LRP1B: variants seen among roughly 807,000 people sequenced by gnomAD.
The protein encoded by LRP1B is low-density lipoprotein receptor-related protein 1B.
A neutral mutation model predicts 556.6 loss-of-function variants in LRP1B; 217 were observed. The observed-to-expected ratio is 0.39, with a 90% CI of 0.35 to 0.44. The LOEUF (loss-of-function observed/expected upper bound fraction) is 0.44. Among genes scored for constraint, LRP1B ranks in the 20% least tolerant of loss-of-function variants. The probability of loss-of-function intolerance (pLI) is 1.00; values close to 1 mark genes in which losing one functional copy is unlikely to be tolerated. For synonymous variants in LRP1B, 2,047 were observed against 1,865.8 expected (o/e 1.10, Z -2.50); for missense variants, 5,053 against 5,620.8 (o/e 0.90, Z 3.23).
chr2:141,380,949 C>G (rs1689616731), intron 3 of LRP1B, among the ~76,000 whole-genome samples: 1 of 151,954 alleles, frequency 6.6e-6, no homozygotes. Context: ...CTTATATAAA[C>G]CAATATGTGA....
At chr2:141,046,408 G>A (rs1043518604) in intron 11 of LRP1B, among the ~76,000 whole-genome samples, 6 of 152,120 alleles carry the variant, frequency 3.9e-5, no homozygotes, top group African/African-American at 1.4e-4. Flanking sequence ...CTAAGTCTCT[G>A]CTTTGACACG....
chr2:140,945,342 T>A (rs1254409789), intron 20 of LRP1B, among the ~76,000 whole-genome samples: 1 of 152,122 alleles, frequency 6.6e-6, no homozygotes, highest in Non-Finnish European at 1.5e-5. Flanking sequence ...CAGCATCAAT[T>A]TTCACAGAAT....
chr2:140,514,799 A>C (rs1427216217), intron 50 of LRP1B, 27 bp from the exon 51 acceptor site: 1 of 1,598,438 alleles, frequency 6.3e-7, no homozygotes, highest in Non-Finnish European at 8.5e-7. Flanking sequence ...AGGAAAAAAA[A>C]AAATAGTTTG....
At chr2:141,591,606 G>GTC (rs1348970199) in intron 2 of LRP1B, among the ~76,000 whole-genome samples, 1 of 151,576 alleles carries the variant, frequency 6.6e-6, no homozygotes, top group African/African-American at 2.4e-5. Context: ...GTGTGTGTGT[G>GTC]TGTCTGTGTG....
intron 7 of LRP1B, among the ~76,000 whole-genome samples, chr2:141,097,228 T>C (rs1700345260): frequency 6.6e-6 from 1 of 152,202 alleles, no homozygotes; most frequent in South Asian, 2.1e-4. Flanking sequence ...GGAGAATCTA[T>C]GGTAATTTAT....
rs577678343 is a variant in LRP1B, at chr2:141,580,408, C to A, written c.206-99875G>T. On this transcript the variant is annotated intron_variant, in intron 2 of 90. Coordinates refer to ENST00000389484, the MANE Select transcript of LRP1B (RefSeq NM_018557.3). ...TTTAAGACACATACAAATACATGAT[C>A]TCTAAATAATTTGATCAACTTAATA... 4.6e-5 allele frequency among the ~76,000 whole-genome samples: 7 copies of A among 152,300 alleles called. No individual in the cohort carries two copies. The South Asian group carries it at 1.5e-3, about 32-fold the overall frequency.
At chr2:140,573,829 T>C (rs962063208) in intron 43 of LRP1B, among the ~76,000 whole-genome samples, 1 of 152,052 alleles carries the variant, frequency 6.6e-6, no homozygotes, top group Non-Finnish European at 1.5e-5. Flanking sequence ...TCAAGAGCCA[T>C]TACAACCTGG....
At chr2:141,319,799 A>C (rs1325446378) in intron 3 of LRP1B, among the ~76,000 whole-genome samples, 1 of 152,112 alleles carries the variant, frequency 6.6e-6, no homozygotes, top group African/African-American at 2.4e-5. Flanking sequence ...GTAATACATG[A>C]GTCAAGTCTG....
At chr2:140,321,135 TTATACCTAA>T (rs1488842465) in intron 82 of LRP1B, among the ~76,000 whole-genome samples, 1 of 152,070 alleles carries the variant, frequency 6.6e-6, no homozygotes, top group Non-Finnish European at 1.5e-5. Context: ...ATTTTCCCCA[TTATACCTAA>T]TGTCTTGAAT....
At chr2:141,912,660 T>C (rs1366096112) in intron 1 of LRP1B, among the ~76,000 whole-genome samples, 1 of 151,902 alleles carries the variant, frequency 6.6e-6, no homozygotes, top group Non-Finnish European at 1.5e-5. Flanking sequence ...AAAAACACCC[T>C]GATTTCGTCT....
chr2:140,273,375 A>T (rs1682546179), intron 85 of LRP1B, among the ~76,000 whole-genome samples: 1 of 151,870 alleles, frequency 6.6e-6, no homozygotes, highest in African/African-American at 2.4e-5. Context: ...AAAGGCACAT[A>T]GTTATATATC....
chr2:142,071,380 A>G (rs981801522), intron 1 of LRP1B, among the ~76,000 whole-genome samples: 9 of 151,952 alleles, frequency 5.9e-5, no homozygotes, highest in African/African-American at 1.9e-4. Context: ...GGGTGATGTC[A>G]TAGGCCAGTG....
chr2:142,091,502 A>C (rs1706172798), intron 1 of LRP1B, among the ~76,000 whole-genome samples: 1 of 152,198 alleles, frequency 6.6e-6, no homozygotes, highest in Non-Finnish European at 1.5e-5. Flanking sequence ...AAAACTGCTC[A>C]GGTATTATGG....
chr2:140,733,017 G>T (rs1687829123), intron 35 of LRP1B, among the ~76,000 whole-genome samples: 1 of 152,142 alleles, frequency 6.6e-6, no homozygotes, highest in Admixed American at 6.5e-5. Context: ...GCATGTATGT[G>T]TGTCTGTGTG....
intron 3 of LRP1B, among the ~76,000 whole-genome samples, chr2:141,262,067 A>T (rs1032410128): frequency 6.6e-6 from 1 of 151,944 alleles, no homozygotes; most frequent in Non-Finnish European, 1.5e-5. Flanking sequence ...TTTTAATTTA[A>T]TTTTATTTTT....
chr2:140,587,533 T>C (rs1374080021), intron 43 of LRP1B, among the ~76,000 whole-genome samples: 4 of 152,142 alleles, frequency 2.6e-5, no homozygotes, highest in Admixed American at 6.6e-5. Flanking sequence ...CAGACTCTTA[T>C]TAGTAGAGAG....
intron 7 of LRP1B, among the ~76,000 whole-genome samples, chr2:141,106,829 C>T (rs901967798): frequency 6.6e-6 from 1 of 152,124 alleles, no homozygotes; most frequent in Non-Finnish European, 1.5e-5. Flanking sequence ...TAAATTCTTA[C>T]CAATCCACGA....
At chr2:140,772,067 G>T (rs934645230) in intron 33 of LRP1B, among the ~76,000 whole-genome samples, 1 of 152,084 alleles carries the variant, frequency 6.6e-6, no homozygotes, top group African/African-American at 2.4e-5. Flanking sequence ...TACCACATTC[G>T]CTGCTCATGT....
intron 35 of LRP1B, among the ~76,000 whole-genome samples, chr2:140,762,173 C>T (rs529374018): frequency 6.6e-6 from 1 of 151,922 alleles, no homozygotes; most frequent in African/African-American, 2.4e-5. Flanking sequence ...TTAAAATTCT[C>T]ATTATGAAAC....
Sources: gnomAD v4.1 joint callset for allele counts (sites outside exome capture counted in the v4.1 genomes callset) on GRCh38, gnomAD v4.1.1 for gene constraint, MANE v1.5 for transcripts, NCBI Gene and HGNC (gene_info 2026-07-23, HGNC 2026-07-21) for gene names.